The following BCAR1 variants were observed in gnomAD, a reference collection of about 807,000 sequenced individuals.
BCAR1 encodes breast cancer anti-estrogen resistance protein 1.
A neutral mutation model predicts 67.6 loss-of-function variants in BCAR1; 30 were observed. The ratio of observed to expected loss-of-function variants is 0.44; its 90% CI spans 0.33 to 0.60. The LOEUF (loss-of-function observed/expected upper bound fraction) is 0.60. Among genes scored for constraint, BCAR1 ranks in the 20% least tolerant of loss-of-function variants. The pLI, the probability that BCAR1 is intolerant of heterozygous loss-of-function variation, is 0.02. For missense variants in BCAR1, 1,313 were observed against 1,222.3 expected, an observed-to-expected ratio of 1.07 and a Z score of -1.11; for synonymous variants, 626 against 556.7, an observed-to-expected ratio of 1.12 and a Z score of -1.75.
intron 1 of BCAR1, chr16:75,249,130 T>C (rs2077604752): frequency 6.6e-6 from 1 of 152,364 alleles, no homozygotes; most frequent in South Asian, 2.1e-4. Context: ...CCCAGGCCTA[T>C]ACCCCTGCAG....
chr16:75,243,448 C>T, intron 1 of BCAR1: 1 of 567,282 alleles, frequency 1.8e-6, no homozygotes, highest in Non-Finnish European at 3.4e-6. Flanking sequence ...CACGACAAAG[C>T]TGCCAAGTTA....
At chr16:75,258,197 C>G (rs558434681) in intron 1 of BCAR1, among the ~76,000 whole-genome samples, 1 of 152,348 alleles carries the variant, frequency 6.6e-6, no homozygotes, top group South Asian at 2.1e-4. Flanking sequence ...GCAACCAAGC[C>G]CTCCCTGCTC....
chr16:75,259,328 G>A lies in BCAR1; in HGVS notation c.66+8587C>T, dbSNP rs147349063. Among the ~76,000 whole-genome samples the A allele has an allele frequency of 3.6e-3, 547 of 152,292 alleles. 2 individuals are homozygous for A. The highest frequency in any genetic ancestry group is 0.012 in the African/African-American group (501 of 41,556). ...TTGCCAACAATAGTGCCAGTGTTCCGCTACTTAATAACACACAGCACAAGC... is the reference window on the plus strand; with the variant it reads ...TTGCCAACAATAGTGCCAGTGTTCCACTACTTAATAACACACAGCACAAGC... On this transcript the variant is annotated intron_variant, in intron 1 of 6. Transcript: ENST00000393422.
upstream of BCAR1, chr16:75,252,499 T>C (rs2077702096): frequency 3.3e-6 from 4 of 1,205,882 alleles, no homozygotes; most frequent in African/African-American, 1.5e-5. Context: ...TGCAGGTCAG[T>C]GACTGTCACC....
At position 75,229,945 on chromosome 16, in the gene BCAR1, G is replaced by C. The variant is rs138734277; in HGVS notation, c.2179C>G (p.Pro727Ala). Reference protein sequence around the residue: ...HDLANWTPAQPLAPGRTGGLG... With the variant: ...HDLANWTPAQALAPGRTGGLG... ...CCGCCTGTTCGCCCCGGGGCCAGGG[G>C]TTGGGCTGGCGTCCAGTTGGCCAGG... is the stretch of plus-strand genomic sequence containing the variant. The change falls in exon 7 of 7, where the codon CCC becomes GCC. Residue 727 changes from proline to alanine, a missense_variant. Pro to Ala is a conservative substitution (Grantham distance 27). Coordinates refer to ENST00000162330, the MANE Select transcript of BCAR1 (RefSeq NM_014567.5). The C allele has an allele frequency of 3.7e-5, 59 of 1,601,450 alleles. No individual in the cohort carries two copies. The highest frequency in any genetic ancestry group is 1.0e-4 in the Admixed American group (6 of 59,358).
chr16:75,242,384 T>C, intron 2 of BCAR1, 86 bp downstream of exon 2: 1 of 1,319,862 alleles, frequency 7.6e-7, no homozygotes, highest in African/African-American at 1.5e-5. Flanking sequence ...TGCCGGTGAT[T>C]GAGGGTGGCT....
intron 1 of BCAR1, chr16:75,266,521 C>T: frequency 2.5e-6 from 1 of 396,712 alleles, no homozygotes; most frequent in Middle Eastern, 3.5e-4. Context: ...GACGAGCCTT[C>T]GTGGGCCTGA....
chr16:75,258,950 C>T (rs923394087), intron 1 of BCAR1, among the ~76,000 whole-genome samples: 32 of 152,266 alleles, frequency 2.1e-4, no homozygotes, highest in South Asian at 6.2e-4. Context: ...CAGGAATCTG[C>T]GTGGCCTGGG....
At chr16:75,245,379 G>C (rs1358455706) in intron 1 of BCAR1, among the ~76,000 whole-genome samples, 1 of 152,220 alleles carries the variant, frequency 6.6e-6, no homozygotes, top group African/African-American at 2.4e-5. Context: ...TTAGACAGAG[G>C]GGACCGCCCC....
At chr16:75,258,287 G>T (rs988453159) in intron 1 of BCAR1, among the ~76,000 whole-genome samples, 3 of 152,216 alleles carry the variant, frequency 2.0e-5, no homozygotes, top group Non-Finnish European at 1.5e-5. Flanking sequence ...CTGAGAGACT[G>T]GGGCAAAATC....
rs148328863 is a variant in BCAR1, at chr16:75,245,681, G to T, written c.13-2591C>A. Reference sequence around the variant, plus strand: ...ACAGGCTGGGCACGTGGCACCAGGCGCCTGGCACCAGGAGCTTCCCCGCCT... The same window carrying T: ...ACAGGCTGGGCACGTGGCACCAGGCTCCTGGCACCAGGAGCTTCCCCGCCT... On this transcript the variant is annotated intron_variant, in intron 1 of 6. Transcript: ENST00000162330. Among the ~76,000 whole-genome samples the T allele has an allele frequency of 6.8e-3, 1,033 of 152,314 alleles. 10 individuals are homozygous for T. The highest frequency in any genetic ancestry group is 0.024 in the African/African-American group (994 of 41,562).
chr16:75,248,236 C>A (rs946906987), intron 1 of BCAR1: 4 of 1,517,240 alleles, frequency 2.6e-6, no homozygotes, highest in Admixed American at 1.9e-5. Flanking sequence ...ATGTCACAGG[C>A]CTTTCCCACC....
intron 1 of BCAR1, chr16:75,263,585 C>T: frequency 7.1e-6 from 7 of 985,490 alleles, no homozygotes; most frequent in Non-Finnish European, 3.6e-6. Flanking sequence ...CATCTCCCCT[C>T]CCCCAACACT....
At chr16:75,233,965 G>C (rs1162733997) in intron 5 of BCAR1, 30 bp from the exon 6 acceptor site, 2 of 1,570,622 alleles carry the variant, frequency 1.3e-6, no homozygotes, top group South Asian at 2.3e-5. Flanking sequence ...GCTGCGCTGA[G>C]GCCAGTTTTC....
At chr16:75,232,323 C>T (rs888899976) in intron 6 of BCAR1, among the ~76,000 whole-genome samples, 3 of 151,590 alleles carry the variant, frequency 2.0e-5, no homozygotes, top group African/African-American at 7.3e-5. Flanking sequence ...ACTATGCTGG[C>T]CAATTTTTGT....
upstream of BCAR1, chr16:75,251,990 C>G (rs1284323090): frequency 4.9e-6 from 3 of 618,110 alleles, no homozygotes; most frequent in Admixed American, 2.9e-5. Flanking sequence ...GACATGGCCT[C>G]AAGTCGACTT....
At chr16:75,244,555 C>A (rs1043072090) in intron 1 of BCAR1, among the ~76,000 whole-genome samples, 3 of 152,240 alleles carry the variant, frequency 2.0e-5, no homozygotes, top group African/African-American at 7.2e-5. Context: ...GCAGTAGTTG[C>A]CCCAGGTCCC....
At chr16:75,230,213 G>T (rs2076853205) in intron 6 of BCAR1, among the ~76,000 whole-genome samples, 190 bp from the exon 7 acceptor site, 1 of 152,188 alleles carries the variant, frequency 6.6e-6, no homozygotes, top group Non-Finnish European at 1.5e-5. Context: ...TCTGGAGGTT[G>T]TTCAGTTACC....
chr16:75,234,556 A>G (rs992516180), intron 5 of BCAR1, among the ~76,000 whole-genome samples: 1 of 152,086 alleles, frequency 6.6e-6, no homozygotes, highest in Non-Finnish European at 1.5e-5. Flanking sequence ...GCCTGGGAGG[A>G]GCAGTCCCAG....
Sources: gnomAD v4.1 joint callset for allele counts (sites outside exome capture counted in the v4.1 genomes callset) on GRCh38, gnomAD v4.1.1 for gene constraint, MANE v1.5 for transcripts, NCBI Gene and HGNC (gene_info 2026-07-23, HGNC 2026-07-21) for gene names.